Variants in CCDC30 observed in about 807,000 individuals in gnomAD.
CCDC30 encodes coiled-coil domain-containing protein 30.
CCDC30 carries 70 observed loss-of-function variants against 100.2 expected under a neutral mutation model. The ratio of observed to expected loss-of-function variants is 0.70; its 90% CI spans 0.58 to 0.85. The LOEUF is 0.85. CCDC30 is among the 40% of genes least tolerant of loss of function. The pLI is 0.00. For synonymous variants in CCDC30, 233 were observed against 269.5 expected (o/e 0.86, Z 1.33); for missense variants, 652 against 771.2 (o/e 0.85, Z 1.83).
chr1:42,567,639 T>G (rs539025971), intron 7 of CCDC30, among the ~76,000 whole-genome samples: 7 of 152,342 alleles, frequency 4.6e-5, no homozygotes, highest in African/African-American at 1.7e-4. Context: ...TTCAAGCCTT[T>G]GTAGTTTTAA....
intron 6 of CCDC30, among the ~76,000 whole-genome samples, chr1:42,500,838 A>G (rs1644302212): frequency 6.6e-6 from 1 of 152,172 alleles, no homozygotes; most frequent in African/African-American, 2.4e-5. Context: ...GTGATTCTCC[A>G]TCTTTGGCTT....
intron 6 of CCDC30, among the ~76,000 whole-genome samples, chr1:42,555,027 T>C (rs139264633): frequency 6.6e-6 from 1 of 152,296 alleles, no homozygotes; most frequent in East Asian, 1.9e-4. Context: ...CAGGTCATGA[T>C]GATTCCTTTT....
exon 12 of CCDC30, chr1:42,637,303 T>C (rs1404155058): frequency 6.3e-7 from 1 of 1,583,594 alleles, no homozygotes; most frequent in African/African-American, 1.4e-5. Context: ...GTTTAACTAA[T>C]GAAGTAGAAC....
exon 17 of CCDC30, chr1:42,653,837 G>A: frequency 6.2e-7 from 1 of 1,613,940 alleles, no homozygotes; most frequent in South Asian, 1.1e-5. Context: ...AAAAGGTTTG[G>A]TAGAGTCATT....
At chr1:42,546,384 T>TC (rs1645133672) in intron 6 of CCDC30, among the ~76,000 whole-genome samples, 1 of 5,168 alleles carries the variant, frequency 1.9e-4, no homozygotes, top group African/African-American at 3.3e-4. Context: ...AAATTCTGTC[T>TC]CAAAAAAAAA....
intron 11 of CCDC30, among the ~76,000 whole-genome samples, chr1:42,613,375 C>T (rs1448197708): frequency 2.6e-5 from 4 of 152,226 alleles, no homozygotes; most frequent in Non-Finnish European, 5.9e-5. Flanking sequence ...CTGGCTCAGC[C>T]TCCAGAGTAG....
At chr1:42,483,114 T>A in intron 3 of CCDC30, 1 of 222,328 alleles carries the variant, frequency 4.5e-6, no homozygotes, top group East Asian at 9.0e-5. Context: ...TCCTTCAGAG[T>A]AACTACTGTC....
intron 1 of CCDC30, among the ~76,000 whole-genome samples, chr1:42,468,179 G>A (rs1001687464): frequency 1.3e-5 from 2 of 152,286 alleles, no homozygotes; most frequent in African/African-American, 4.8e-5. Flanking sequence ...AAATAATAAT[G>A]CGTTGAAAAA....
intron 6 of CCDC30, among the ~76,000 whole-genome samples, chr1:42,549,629 G>A (rs1645209872): frequency 6.6e-6 from 1 of 152,158 alleles, no homozygotes; most frequent in African/African-American, 2.4e-5. Context: ...AGACTCTCTT[G>A]TTCTTGACTA....
upstream of CCDC30, chr1:42,459,252 T>G (rs566201906): frequency 4.9e-6 from 1 of 204,104 alleles, no homozygotes; most frequent in Non-Finnish European, 9.9e-6. Context: ...AGCCTCAACC[T>G]TCCAGGCTCA....
the CCDC30 span, chr1:42,456,650 A>G: frequency 2.2e-5 from 35 of 1,590,512 alleles, no homozygotes; most frequent in Non-Finnish European, 3.0e-5. Context: ...CTTCGCGGCC[A>G]GGCTGGGCGC....
chr1:42,480,018 C>T (rs374213011), intron 1 of CCDC30, among the ~76,000 whole-genome samples: 13 of 151,954 alleles, frequency 8.6e-5, no homozygotes, highest in East Asian at 7.7e-4. Flanking sequence ...TGGTGCGAGC[C>T]GAGTAACTGA....
At chr1:42,609,425 G>A (rs1388532825) in intron 10 of CCDC30, among the ~76,000 whole-genome samples, 1 of 152,138 alleles carries the variant, frequency 6.6e-6, no homozygotes. Context: ...ATTTGGTGGG[G>A]AGTCAAAAAA....
At chr1:42,538,133 T>G in intron 6 of CCDC30, 1 of 116,460 alleles carries the variant, frequency 8.6e-6, no homozygotes. Context: ...GGCAACATAG[T>G]GGGACACTGT....
chr1:42,653,746 G>A, intron 16 of CCDC30, 72 bp from the exon 21 acceptor site: 1 of 1,091,010 alleles, frequency 9.2e-7, no homozygotes, highest in Non-Finnish European at 1.4e-6. Flanking sequence ...ATCAATGCCT[G>A]TATCCCTGTA....
chr1:42,552,706 A>G (rs1360721720), intron 6 of CCDC30, among the ~76,000 whole-genome samples: 1 of 152,200 alleles, frequency 6.6e-6, no homozygotes, highest in Non-Finnish European at 1.5e-5. Flanking sequence ...CACTTACAGC[A>G]CATGGCTGAG....
chr1:42,493,482 G>A (rs959004727), intron 4 of CCDC30, among the ~76,000 whole-genome samples: 9 of 152,084 alleles, frequency 5.9e-5, no homozygotes, highest in African/African-American at 9.7e-5. Context: ...CAGCTAACTC[G>A]GGAGGCTGAG....
chr1:42,604,824 A>C (rs1037220474), intron 10 of CCDC30, among the ~76,000 whole-genome samples: 1 of 152,040 alleles, frequency 6.6e-6, no homozygotes, highest in African/African-American at 2.4e-5. Flanking sequence ...CATTCAAAGG[A>C]CTCTGGATCT....
intron 6 of CCDC30, 111 bp from the exon 7 acceptor site, chr1:42,536,365 C>T (rs992522896): frequency 3.0e-6 from 2 of 657,330 alleles, no homozygotes; most frequent in Non-Finnish European, 4.9e-6. Context: ...TTCCTAGGTT[C>T]ATAAATCCCC....
Sources: gnomAD v4.1 joint callset for allele counts (sites outside exome capture counted in the v4.1 genomes callset) on GRCh38, gnomAD v4.1.1 for gene constraint, MANE v1.5 for transcripts, NCBI Gene and HGNC (gene_info 2026-07-23, HGNC 2026-07-21) for gene names.